The following DLGAP2 variants were observed in gnomAD, a reference collection of about 807,000 sequenced individuals.
The protein encoded by DLGAP2 is DLG associated protein 2.
A neutral mutation model predicts 100.3 loss-of-function variants in DLGAP2; 26 were observed. The ratio of observed to expected loss-of-function variants is 0.26; its 90% confidence interval spans 0.19 to 0.36. The LOEUF is 0.36. Ranked by LOEUF, DLGAP2 falls within the 10% of genes least tolerant of loss-of-function variation. The probability of loss-of-function intolerance (pLI) is 1.00; values close to 1 mark genes in which losing one functional copy is unlikely to be tolerated. For missense variants in DLGAP2, 1,858 were observed against 1,453.2 expected (o/e 1.28, Z -4.53); for synonymous variants, 886 against 630.1 (o/e 1.41, Z -6.08).
chr8:1,257,919 A>G (rs1799263303), intron 2 of DLGAP2, among the ~76,000 whole-genome samples: 1 of 152,224 alleles, frequency 6.6e-6, no homozygotes, highest in South Asian at 2.1e-4. Context: ...AGGAAAGTGG[A>G]TGGAAGCTGG....
At chr8:1,518,400 T>A (rs1050436145) in intron 4 of DLGAP2, among the ~76,000 whole-genome samples, 3 of 152,206 alleles carry the variant, frequency 2.0e-5, no homozygotes, top group Non-Finnish European at 4.4e-5. Context: ...TAAGATGGAC[T>A]TTTAAATACA....
intron 1 of DLGAP2, among the ~76,000 whole-genome samples, chr8:813,360 T>G (rs1191947750): frequency 6.6e-6 from 1 of 152,172 alleles, no homozygotes; most frequent in Non-Finnish European, 1.5e-5. Flanking sequence ...AGTGTTTATA[T>G]TCATATAAAC....
chr8:1,371,031 G>A (rs1469513858), intron 3 of DLGAP2, among the ~76,000 whole-genome samples: 1 of 152,258 alleles, frequency 6.6e-6, no homozygotes, highest in Non-Finnish European at 1.5e-5. Context: ...TACCATTCGT[G>A]TAATATGATT....
At chr8:967,887 T>G (rs1235361366) in intron 2 of DLGAP2, among the ~76,000 whole-genome samples, 1 of 107,824 alleles carries the variant, frequency 9.3e-6, no homozygotes, top group Non-Finnish European at 1.8e-5. Flanking sequence ...TACTTTAAAC[T>G]CCCTAGAACT....
rs573358401 is a variant in DLGAP2, at chr8:1,303,392, G to A, written c.106+44509G>A. 7.8e-5 allele frequency among the ~76,000 whole-genome samples: 9 copies of A among 116,074 alleles called. No individual in the cohort carries two copies. In the East Asian group the frequency reaches 2.3e-3, roughly 30 times the overall value. 76.1% of individuals were successfully genotyped at this position (116,074 alleles called of 152,430 possible). ...AGCCTGGGCGACAGAGCGAGACTCC[G>A]TCTCAAAAACAAAAAAAAAAAAAAA... On this transcript the variant is annotated intron_variant, in intron 3 of 14. Transcript: ENST00000637795.
intron 3 of DLGAP2, among the ~76,000 whole-genome samples, chr8:1,298,790 G>C (rs969689125): frequency 6.6e-6 from 1 of 152,204 alleles, no homozygotes; most frequent in Non-Finnish European, 1.5e-5. Flanking sequence ...TGCAAAGATC[G>C]TCTTGAGAGG....
chr8:1,578,938 T>G (rs1159056199), intron 6 of DLGAP2, among the ~76,000 whole-genome samples: 1 of 152,214 alleles, frequency 6.6e-6, no homozygotes, highest in Non-Finnish European at 1.5e-5. Context: ...AGAATTATTA[T>G]CAACTAATTG....
intron 2 of DLGAP2, among the ~76,000 whole-genome samples, chr8:1,193,519 C>A (rs1797683220): frequency 6.6e-6 from 1 of 152,182 alleles, no homozygotes. Flanking sequence ...GCGTTCAGGG[C>A]TCATTCACGC....
intron 1 of DLGAP2, among the ~76,000 whole-genome samples, chr8:855,169 G>A (rs577089086): frequency 3.9e-5 from 6 of 152,336 alleles, no homozygotes; most frequent in African/African-American, 1.4e-4. Context: ...TGGGCACGAA[G>A]ATTTTTAGGA....
chr8:791,313 C>T (rs931914714), intron 1 of DLGAP2, among the ~76,000 whole-genome samples: 10 of 152,206 alleles, frequency 6.6e-5, no homozygotes, highest in Non-Finnish European at 1.5e-4. Context: ...TGGCTCCCTC[C>T]ACAGAGAAGC....
intron 6 of DLGAP2, among the ~76,000 whole-genome samples, chr8:1,591,523 G>T (rs2130672996): frequency 7.3e-6 from 1 of 136,712 alleles, no homozygotes; most frequent in African/African-American, 2.8e-5. Context: ...CCCCTTTCCT[G>T]CCTAACCCCC....
Position 1,147,479 on chromosome 8 carries a change from A to G in DLGAP2, c.74-111372A>G, listed in dbSNP as rs1012687232. Among the ~76,000 whole-genome samples the G allele has an allele frequency of 2.0e-5, 3 of 151,740 alleles. No individual in the cohort carries two copies. In the East Asian group the frequency reaches 5.8e-4, roughly 29 times the overall value. On this transcript the variant is annotated intron_variant, in intron 2 of 14. Transcript: ENST00000637795. ...ATTATCTTTCTTTTGAAATTCATAAATTGAATTTCATTTAACGTTTTTCTC... is the reference window on the plus strand; with the variant it reads ...ATTATCTTTCTTTTGAAATTCATAAGTTGAATTTCATTTAACGTTTTTCTC...
intron 1 of DLGAP2, among the ~76,000 whole-genome samples, chr8:877,975 C>G (rs562871708): frequency 5.9e-5 from 9 of 152,326 alleles, no homozygotes; most frequent in Non-Finnish European, 8.8e-5. Flanking sequence ...AGGTACTTGT[C>G]TCCCTGAATT....
intron 3 of DLGAP2, among the ~76,000 whole-genome samples, chr8:1,447,716 T>C (rs1584913940): frequency 1.3e-5 from 2 of 152,374 alleles, no homozygotes; most frequent in Non-Finnish European, 2.9e-5. Context: ...CATTTGGTCC[T>C]GGACTTTTTT....
At chr8:1,003,056 C>G (rs537537466) in intron 2 of DLGAP2, 3 of 152,284 alleles carry the variant, frequency 2.0e-5, no homozygotes, top group Non-Finnish European at 2.9e-5. Flanking sequence ...TTCGGGGTCC[C>G]TGAGTCCCTG....
intron 1 of DLGAP2, among the ~76,000 whole-genome samples, chr8:862,517 T>A (rs113606376): frequency 1.3e-5 from 2 of 152,124 alleles, no homozygotes; most frequent in African/African-American, 4.8e-5. Flanking sequence ...TTGGCTAGGC[T>A]GGTCTCGATC....
intron 1 of DLGAP2, among the ~76,000 whole-genome samples, chr8:747,740 G>T (rs554657717): frequency 1.9e-5 from 1 of 52,836 alleles, no homozygotes; most frequent in East Asian, 5.1e-4. Context: ...GGGATGGGGG[G>T]GCTCTGCGGT....
At chr8:927,749 G>A (rs910563721) in intron 2 of DLGAP2, among the ~76,000 whole-genome samples, 4 of 152,178 alleles carry the variant, frequency 2.6e-5, no homozygotes, top group Non-Finnish European at 1.5e-5. Flanking sequence ...GGAGTATGGG[G>A]TTAGAGTTGG....
At chr8:1,509,087 C>G (rs1800059647) in intron 4 of DLGAP2, among the ~76,000 whole-genome samples, 1 of 151,992 alleles carries the variant, frequency 6.6e-6, no homozygotes, top group Admixed American at 6.6e-5. Context: ...AATCTCAGCA[C>G]TTTGGGAGGC....
Sources: allele counts gnomAD v4.1 joint callset (sites outside exome capture counted in the v4.1 genomes callset), GRCh38; gene constraint gnomAD v4.1.1; transcripts MANE v1.5; gene names NCBI Gene and HGNC (gene_info 2026-07-23, HGNC 2026-07-21).